DNAH5: variants seen among roughly 807,000 people sequenced by gnomAD.
DNAH5 encodes the protein dynein axonemal heavy chain 5, also known as axonemal beta dynein heavy chain 5.
In DNAH5, 372 loss-of-function variants were observed where a neutral mutation model predicts 518.2. That is an observed-to-expected ratio of 0.72 (90% CI 0.66 to 0.78). The LOEUF (loss-of-function observed/expected upper bound fraction) is 0.78. Among genes scored for constraint, DNAH5 ranks in the 30% least tolerant of loss-of-function variants. The pLI, the probability that DNAH5 is intolerant of heterozygous loss-of-function variation, is 0.00. For missense variants in DNAH5, 5,523 were observed against 5,687.0 expected (o/e 0.97, Z 0.93); for synonymous variants, 2,039 against 2,025.9 (o/e 1.01, Z -0.17).
intron 47 of DNAH5, among the ~76,000 whole-genome samples, chr5:13,796,999 C>T (rs1232161046): frequency 5.3e-5 from 8 of 152,108 alleles, no homozygotes; most frequent in East Asian, 3.9e-4. Flanking sequence ...GCTAGCCATA[C>T]ATAGAAAGCT....
At chr5:13,905,454 T>G (rs1289260054) in intron 12 of DNAH5, among the ~76,000 whole-genome samples, 1 of 152,232 alleles carries the variant, frequency 6.6e-6, no homozygotes, top group African/African-American at 2.4e-5. Flanking sequence ...CTTGGACTTC[T>G]CAGTCTCCAG....
At chr5:13,836,093 T>C (rs1469566733) in intron 35 of DNAH5, among the ~76,000 whole-genome samples, 1 of 152,184 alleles carries the variant, frequency 6.6e-6, no homozygotes, top group East Asian at 1.9e-4. Context: ...GGTTCGGACA[T>C]GGACATCTTT....
At position 13,830,080 on chromosome 5, in the gene DNAH5, A is replaced by T; in HGVS notation, c.6195T>A (p.Phe2065Leu). ...CKKEHKKSFI[F>L]TDGDNVTMNP... ...TCATAGTCACATTATCTCCATCAGT[A>T]AAGATAAAAGACTTTTTGTGCTCCT... is the stretch of plus-strand genomic sequence containing the variant. The change falls in exon 37 of 79, where the codon TTT becomes TTA. Residue 2065 changes from phenylalanine (F) to leucine (L), a missense_variant. By Grantham distance (22) the Phe-to-Leu change is conservative. This residue lies in a region of DNAH5 where 5,121 missense variants were observed against 5,223.3 expected (regional missense o/e 0.98). Transcript: ENST00000265104. The T allele has an allele frequency of 6.2e-7, 1 of 1,614,088 alleles. No individual in the cohort carries two copies. Among genetic ancestry groups the T allele is most frequent in the Non-Finnish European group, 8.5e-7 (1 of 1,179,966 alleles).
At chr5:13,984,775 T>C (rs1449587447) in intron 1 of DNAH5, among the ~76,000 whole-genome samples, 1 of 152,234 alleles carries the variant, frequency 6.6e-6, no homozygotes, top group Non-Finnish European at 1.5e-5. Context: ...TTTCTGCATC[T>C]ATTGAGATAA....
chr5:14,010,686 AAT>A (rs1318857034), intron 1 of DNAH5, among the ~76,000 whole-genome samples: 1 of 152,234 alleles, frequency 6.6e-6, no homozygotes, highest in African/African-American at 2.4e-5. Flanking sequence ...TGAGAATATT[AAT>A]ATGTGTCTAC....
intron 17 of DNAH5, among the ~76,000 whole-genome samples, chr5:13,886,465 C>T (rs1462308243): frequency 6.6e-6 from 1 of 152,226 alleles, no homozygotes; most frequent in Non-Finnish European, 1.5e-5. Context: ...ACCCTTCTTT[C>T]TCTCCTTGTT....
At chr5:13,802,839 T>C (rs1184387068) in intron 47 of DNAH5, among the ~76,000 whole-genome samples, 1 of 152,156 alleles carries the variant, frequency 6.6e-6, no homozygotes, top group Non-Finnish European at 1.5e-5. Context: ...ATTTATCAAC[T>C]CTATGATTTC....
At chr5:13,864,346 A>T (rs767285630) in intron 28 of DNAH5, 51 bp downstream of exon 28, 14 of 1,608,308 alleles carry the variant, frequency 8.7e-6, no homozygotes, top group Non-Finnish European at 1.2e-5. Context: ...TAGAAATGTT[A>T]TCAAATAAAT....
chr5:13,777,176 C>T, intron 54 of DNAH5, 26 bp downstream of exon 54: 1 of 1,606,794 alleles, frequency 6.2e-7, no homozygotes, highest in Non-Finnish European at 8.5e-7. Flanking sequence ...AGGGATAAAA[C>T]ACATAAAGAA....
chr5:13,829,928 ATTTCCATTCAG>A, intron 37 of DNAH5, 87 bp downstream of exon 37: 1 of 517,962 alleles, frequency 1.9e-6, no homozygotes, highest in Non-Finnish European at 2.7e-6. Context: ...TACAATCCCA[ATTTCCATTCAG>A]GAAAACAGAT....
At chr5:13,736,885 A>T (rs533256945) in intron 66 of DNAH5, among the ~76,000 whole-genome samples, 2 of 152,324 alleles carry the variant, frequency 1.3e-5, no homozygotes, top group African/African-American at 4.8e-5. Flanking sequence ...CAAAAACTAT[A>T]AACAAAATAC....
chr5:13,764,669 A>G (rs1366544750), intron 59 of DNAH5, among the ~76,000 whole-genome samples: 3 of 152,204 alleles, frequency 2.0e-5, no homozygotes, highest in Non-Finnish European at 4.4e-5. Flanking sequence ...GTGTATAACC[A>G]AAGTCCCAGA....
chr5:13,926,636 G>A (rs571708020), intron 3 of DNAH5, among the ~76,000 whole-genome samples: 3 of 152,286 alleles, frequency 2.0e-5, no homozygotes, highest in South Asian at 4.1e-4. Context: ...AGAATTTTTT[G>A]TAATCTAAGA....
In DNAH5 at chr5:13,839,547, A is replaced by G; in HGVS notation, c.5710-19T>C. The G allele has an allele frequency of 1.2e-6, 2 of 1,601,578 alleles. No individual in the cohort carries two copies. Among genetic ancestry groups the G allele is most frequent in the Non-Finnish European group, 1.7e-6 (2 of 1,169,306 alleles). On this transcript the variant is annotated intron_variant, in intron 34 of 78. Coordinates refer to ENST00000265104, the MANE Select transcript of DNAH5 (RefSeq NM_001369.3). ...TATGACACTGAAATTCAAAAGGTAT[A>G]TGTTAGAGCTCTGATGAGAATCACT... is the stretch of plus-strand genomic sequence containing the variant.
At chr5:13,990,413 C>T (rs995752117) in intron 1 of DNAH5, among the ~76,000 whole-genome samples, 14 of 151,844 alleles carry the variant, frequency 9.2e-5, no homozygotes, top group African/African-American at 2.9e-4. Flanking sequence ...ATTAGCTGGG[C>T]GTGGTGGCGG....
chr5:13,780,393 G>A (rs1754911480), intron 53 of DNAH5, among the ~76,000 whole-genome samples: 1 of 152,172 alleles, frequency 6.6e-6, no homozygotes, highest in Non-Finnish European at 1.5e-5. Flanking sequence ...GATTCACCTT[G>A]CTCACCTAGC....
chr5:13,792,481 A>G (rs1757151938), intron 49 of DNAH5, among the ~76,000 whole-genome samples: 1 of 152,216 alleles, frequency 6.6e-6, no homozygotes, highest in African/African-American at 2.4e-5. Context: ...CCACTTCAAT[A>G]TTATTAAATG....
At chr5:13,736,128 A>G (rs1391230526) in intron 66 of DNAH5, among the ~76,000 whole-genome samples, 196 bp from the exon 67 acceptor site, 1 of 152,188 alleles carries the variant, frequency 6.6e-6, no homozygotes, top group East Asian at 1.9e-4. Context: ...GTAATCAACT[A>G]TTTGTATTTA....
At chr5:13,971,171 T>C (rs1047347514) in intron 1 of DNAH5, among the ~76,000 whole-genome samples, 2 of 152,108 alleles carry the variant, frequency 1.3e-5, no homozygotes, top group Non-Finnish European at 2.9e-5. Context: ...TCTGGAAATT[T>C]TTATCCTGTA....
Sources: allele counts gnomAD v4.1 joint callset (sites outside exome capture counted in the v4.1 genomes callset), GRCh38; gene constraint gnomAD v4.1.1; regional missense constraint gnomAD v4.1.1; transcripts MANE v1.5; gene names NCBI Gene and HGNC (gene_info 2026-07-23, HGNC 2026-07-21).